NMT1: variants seen among roughly 807,000 people sequenced by gnomAD.
The protein encoded by NMT1 is glycylpeptide N-tetradecanoyltransferase 1.
A neutral mutation model predicts 63.4 loss-of-function variants in NMT1; 12 were observed. The ratio of observed to expected loss-of-function variants is 0.19; its 90% CI spans 0.12 to 0.31. The LOEUF is 0.31. NMT1 is among the 10% of genes least tolerant of loss of function. NMT1 has a pLI of 1.00. For missense variants in NMT1, 432 were observed against 634.6 expected (o/e 0.68, Z 3.43); for synonymous variants, 228 against 234.3 (o/e 0.97, Z 0.25).
chr17:45,100,141 T>C (rs1009167368), intron 8 of NMT1, among the ~76,000 whole-genome samples: 1 of 151,994 alleles, frequency 6.6e-6, no homozygotes, highest in African/African-American at 2.4e-5. Flanking sequence ...CAGGCTGGAG[T>C]GCAGTGGCAC....
At chr17:45,074,367 A>G (rs1454919797) in intron 1 of NMT1, among the ~76,000 whole-genome samples, 1 of 151,662 alleles carries the variant, frequency 6.6e-6, no homozygotes, top group Non-Finnish European at 1.5e-5. Flanking sequence ...GGCGCCCACC[A>G]CCACGCCCAG....
At chr17:45,097,300 G>A (rs1013127072) in intron 6 of NMT1, 56 bp downstream of exon 6, 9 of 1,328,018 alleles carry the variant, frequency 6.8e-6, no homozygotes, top group African/African-American at 1.4e-5. Flanking sequence ...GCTTGGTCTG[G>A]GAGAGAGTAG....
chr17:45,077,063 C>T (rs548300368), intron 1 of NMT1, among the ~76,000 whole-genome samples: 1 of 152,230 alleles, frequency 6.6e-6, no homozygotes, highest in East Asian at 1.9e-4. Context: ...GTAGTTTTTA[C>T]AGTGATTTTG....
At chr17:45,071,534 C>T (rs549623675) in intron 1 of NMT1, 1 of 152,270 alleles carries the variant, frequency 6.6e-6, no homozygotes, top group African/African-American at 2.4e-5. Context: ...CTTCACTTGA[C>T]TAGCCTTTGA....
rs1490819689 is a variant in NMT1, at chr17:45,106,433, T to G, written c.*794T>G. 6.6e-6 allele frequency: 1 copy of G among 152,670 alleles called. No homozygotes were observed. The highest frequency in any genetic ancestry group is 1.5e-5 in the Non-Finnish European group (1 of 68,052). 9.5% of individuals were successfully genotyped at this position (152,670 alleles called of 1,614,324 possible). A position where few individuals can be genotyped will look rare whatever the true frequency, so the allele number is the denominator to read the frequency against. ...TAGGAAGTCATCCTGCCAACTGATTTAAAAGGGCTCTTTAGCCAGTTGTTG... is the reference window on the plus strand; with the variant it reads ...TAGGAAGTCATCCTGCCAACTGATTGAAAAGGGCTCTTTAGCCAGTTGTTG... On this transcript the variant is annotated 3_prime_UTR_variant, in exon 12 of 12. Coordinates refer to ENST00000258960, the MANE Select transcript of NMT1 (RefSeq NM_021079.5).
intron 1 of NMT1, among the ~76,000 whole-genome samples, chr17:45,065,623 C>CAAAAAAA (rs397944011): frequency 2.4e-5 from 2 of 81,732 alleles, no homozygotes; most frequent in African/African-American, 4.8e-5. Context: ...GACTCTGTCT[C>CAAAAAAA]AAAAAAAAAA....
chr17:45,062,895 T>A (rs2053875534), intron 1 of NMT1, among the ~76,000 whole-genome samples: 2 of 152,134 alleles, frequency 1.3e-5, no homozygotes, highest in Non-Finnish European at 2.9e-5. Context: ...AAGATCTAGC[T>A]TTTATGTTCT....
intron 2 of NMT1, among the ~76,000 whole-genome samples, chr17:45,082,906 A>G (rs979047251): frequency 6.6e-6 from 1 of 152,128 alleles, no homozygotes; most frequent in Admixed American, 6.6e-5. Flanking sequence ...AATCCCAGCT[A>G]CTTGGGAGGA....
intron 5 of NMT1, 134 bp downstream of exon 5, chr17:45,096,419 G>T: frequency 1.4e-6 from 1 of 708,526 alleles, no homozygotes. Context: ...TTGAGTTCCT[G>T]CATCTGAAGG....
chr17:45,065,223 G>A (rs2053894100), intron 1 of NMT1, among the ~76,000 whole-genome samples: 1 of 152,032 alleles, frequency 6.6e-6, no homozygotes, highest in Non-Finnish European at 1.5e-5. Flanking sequence ...CAGTATTAGT[G>A]GAGTTTCATC....
rs754458334 is a variant in NMT1, at chr17:45,069,063, C to T, written c.131+7603C>T. Among the ~76,000 whole-genome samples the T allele has an allele frequency of 2.6e-4, 39 of 150,974 alleles. 1 individual carries two copies. Among genetic ancestry groups the T allele is most frequent in the Non-Finnish European group, 1.2e-4 (8 of 67,790 alleles). On this transcript the variant is annotated intron_variant, in intron 1 of 11. Transcript: ENST00000258960. Reference sequence around the variant, plus strand: ...GCAACCTCTGCCACCCAGGTTCAAGCGACTCTCCTGCGTCAGCCTCCTAAG... The same window carrying T: ...GCAACCTCTGCCACCCAGGTTCAAGTGACTCTCCTGCGTCAGCCTCCTAAG...
Position 45,061,338 on chromosome 17 carries a change from C to G in NMT1, c.9C>G (p.Asp3Glu), listed in dbSNP as rs2053853352. 1.2e-6 allele frequency: 2 copies of G among 1,613,440 alleles called. No homozygotes were observed. Among genetic ancestry groups the G allele is most frequent in the Non-Finnish European group, 1.7e-6 (2 of 1,179,778 alleles). Reference protein sequence around the residue: MADESETAVKPPA... With the variant: MAEESETAVKPPA... ...TGCTCTCGCAACTCAAGATGGCGGA[C>G]GAGAGTGAGACAGCAGTGAAGCCGC... Residue 3 changes from aspartate to glutamate, a missense_variant, in exon 1 of 12, where the codon GAC becomes GAG. Around this residue, in one of 4 missense-constraint regions of NMT1, gnomAD observed 121 missense variants for 103.7 expected, o/e 1.17. Coordinates refer to ENST00000258960, the MANE Select transcript of NMT1 (RefSeq NM_021079.5).
chr17:45,062,867 T>G (rs77182336), intron 1 of NMT1, among the ~76,000 whole-genome samples: 2,204 of 152,200 alleles, frequency 0.014, 35 homozygotes, highest in African/African-American at 0.042. Context: ...AATCTGCTTG[T>G]GGTAAATCTT....
chr17:45,081,353 C>T (rs2081219531), intron 1 of NMT1, among the ~76,000 whole-genome samples: 1 of 152,186 alleles, frequency 6.6e-6, no homozygotes, highest in African/African-American at 2.4e-5. Context: ...GGTGCCATTA[C>T]CCTGGCAATA....
At chr17:45,073,408 ACT>A (rs1458893488) in intron 1 of NMT1, among the ~76,000 whole-genome samples, 3 of 151,204 alleles carry the variant, frequency 2.0e-5, no homozygotes, top group Non-Finnish European at 4.4e-5. Context: ...ACAGAGCAAG[ACT>A]CTGTCTCAAA....
At chr17:45,083,593 TA>T (rs1269037019) in intron 2 of NMT1, 1 of 152,232 alleles carries the variant, frequency 6.6e-6, no homozygotes, top group African/African-American at 2.4e-5. Context: ...TCACCATCCC[TA>T]CAAGGTAGGT....
chr17:45,074,372 G>A (rs886638756), intron 1 of NMT1, among the ~76,000 whole-genome samples: 2 of 151,876 alleles, frequency 1.3e-5, no homozygotes, highest in East Asian at 1.9e-4. Context: ...CCACCACCAC[G>A]CCCAGCTAAT....
intron 1 of NMT1, among the ~76,000 whole-genome samples, chr17:45,066,582 C>CA (rs1406559412): frequency 6.6e-6 from 1 of 151,764 alleles, no homozygotes; most frequent in Admixed American, 6.6e-5. Flanking sequence ...GGTGAGACCC[C>CA]ATCTCTATAA....
intron 5 of NMT1, among the ~76,000 whole-genome samples, chr17:45,096,560 C>T (rs866459514): frequency 3.9e-5 from 6 of 152,302 alleles, no homozygotes; most frequent in South Asian, 2.1e-4. Flanking sequence ...AAGAAAGGAA[C>T]GGGCATGAGA....
Sources: allele counts gnomAD v4.1 joint callset (sites outside exome capture counted in the v4.1 genomes callset), GRCh38; gene constraint gnomAD v4.1.1; regional missense constraint gnomAD v4.1.1; transcripts MANE v1.5; gene names NCBI Gene and HGNC (gene_info 2026-07-23, HGNC 2026-07-21).